SGCZ: variants seen among roughly 807,000 people sequenced by gnomAD.
SGCZ encodes sarcoglycan zeta, also known as zeta-sarcoglycan.
Under a neutral mutation model 41.3 loss-of-function variants are expected in SGCZ, and 40 were observed. The ratio of observed to expected loss-of-function variants is 0.97; its 90% CI spans 0.75 to 1.26. The LOEUF is 1.26. SGCZ is among the 50% of genes most tolerant of loss of function. The pLI is 0.00. For missense variants in SGCZ, 552 were observed against 369.8 expected (o/e 1.49, Z -4.04); for synonymous variants, 206 against 137.5 (o/e 1.50, Z -3.49).
At chr8:15,225,776 G>A (rs1801749849) in intron 1 of SGCZ, among the ~76,000 whole-genome samples, 1 of 152,138 alleles carries the variant, frequency 6.6e-6, no homozygotes, top group Non-Finnish European at 1.5e-5. Flanking sequence ...AAACCAGGTG[G>A]TTCCTTAATA....
intron 1 of SGCZ, among the ~76,000 whole-genome samples, chr8:14,833,958 T>C (rs529566670): frequency 2.0e-5 from 3 of 152,286 alleles, no homozygotes; most frequent in Admixed American, 6.5e-5. Context: ...CTTAGAAATA[T>C]TGTGGAAGCT....
At chr8:14,850,259 T>C (rs978277505) in intron 1 of SGCZ, among the ~76,000 whole-genome samples, 3 of 152,198 alleles carry the variant, frequency 2.0e-5, no homozygotes, top group Non-Finnish European at 2.9e-5. Context: ...AGTTAAAATA[T>C]GCATGCACTG....
At chr8:14,680,929 G>A (rs1347845578) in intron 1 of SGCZ, among the ~76,000 whole-genome samples, 3 of 74,914 alleles carry the variant, frequency 4.0e-5, no homozygotes, top group African/African-American at 6.9e-5. Context: ...GCAACTTGAA[G>A]AATCCAAATG....
At chr8:14,670,830 T>A (rs1015849282) in intron 1 of SGCZ, among the ~76,000 whole-genome samples, 1 of 152,208 alleles carries the variant, frequency 6.6e-6, no homozygotes, top group Non-Finnish European at 1.5e-5. Flanking sequence ...TTAGTTTGCA[T>A]AGATAGCAAA....
rs536281989 is a variant in SGCZ, at chr8:14,981,452, T to G, written c.39+256133A>C. On this transcript the variant is annotated intron_variant, in intron 1 of 7. Coordinates refer to ENST00000382080, the MANE Select transcript of SGCZ (RefSeq NM_139167.4). ...GCCTACTGAAACGAACTGAGTTAATTCTTCAAGCTGCCTATGAGAAAAATC... is the reference window on the plus strand; with the variant it reads ...GCCTACTGAAACGAACTGAGTTAATGCTTCAAGCTGCCTATGAGAAAAATC... 3.9e-5 allele frequency among the ~76,000 whole-genome samples: 6 copies of G among 152,330 alleles called. No individual in the cohort carries two copies. The East Asian group carries it at 1.2e-3, about 29-fold the overall frequency.
chr8:14,457,571 C>A (rs1243208844), intron 2 of SGCZ, among the ~76,000 whole-genome samples: 2 of 152,232 alleles, frequency 1.3e-5, no homozygotes, highest in African/African-American at 4.8e-5. Flanking sequence ...CTTCAGTGGT[C>A]ACGCTCCTAG....
chr8:14,171,380 T>C (rs1235383009), intron 4 of SGCZ, among the ~76,000 whole-genome samples: 1 of 151,978 alleles, frequency 6.6e-6, no homozygotes, highest in East Asian at 1.9e-4. Context: ...GTGCAAAGTT[T>C]TCTAATTTAT....
At chr8:14,800,390 T>G (rs1279321937) in intron 1 of SGCZ, among the ~76,000 whole-genome samples, 1 of 152,200 alleles carries the variant, frequency 6.6e-6, no homozygotes, top group East Asian at 1.9e-4. Flanking sequence ...GCCCATAAGT[T>G]TATGTAAGGT....
intron 1 of SGCZ, among the ~76,000 whole-genome samples, chr8:14,877,264 C>T (rs1804399467): frequency 6.6e-6 from 1 of 152,140 alleles, no homozygotes; most frequent in African/African-American, 2.4e-5. Context: ...TGAGCCACCA[C>T]ACCAAGCCAG....
At chr8:14,417,512 T>C (rs961933646) in intron 2 of SGCZ, among the ~76,000 whole-genome samples, 7 of 151,918 alleles carry the variant, frequency 4.6e-5, no homozygotes, top group Non-Finnish European at 7.4e-5. Flanking sequence ...AATAAATACA[T>C]AGTATCTGGG....
chr8:14,375,111 T>TAGACAGACAGAC (rs77420529), intron 2 of SGCZ, among the ~76,000 whole-genome samples: 11 of 150,152 alleles, frequency 7.3e-5, no homozygotes, highest in African/African-American at 2.5e-4. Flanking sequence ...GATAGATAGA[T>TAGACAGACAGAC]AGACAGACAG....
intron 1 of SGCZ, among the ~76,000 whole-genome samples, chr8:14,997,842 C>G (rs929412832): frequency 6.6e-6 from 1 of 152,086 alleles, no homozygotes; most frequent in African/African-American, 2.4e-5. Context: ...CGCCTGTAAT[C>G]CCAGATACTC....
intron 4 of SGCZ, among the ~76,000 whole-genome samples, chr8:14,167,314 G>T (rs1418833566): frequency 1.3e-5 from 2 of 152,130 alleles, no homozygotes; most frequent in East Asian, 3.9e-4. Context: ...AAGCAACAAT[G>T]CCCCATTCAA....
At chr8:14,770,204 G>C (rs1046026235) in intron 1 of SGCZ, among the ~76,000 whole-genome samples, 8 of 151,086 alleles carry the variant, frequency 5.3e-5, no homozygotes, top group African/African-American at 1.7e-4. Flanking sequence ...ACATAAGATT[G>C]TTTAAATACA....
intron 5 of SGCZ, among the ~76,000 whole-genome samples, chr8:14,137,755 T>C (rs1267341064): frequency 6.6e-6 from 1 of 152,164 alleles, no homozygotes; most frequent in Non-Finnish European, 1.5e-5. Flanking sequence ...GAAAACACTC[T>C]TCAGGATATT....
chr8:14,855,936 C>T (rs931199147), intron 1 of SGCZ, among the ~76,000 whole-genome samples: 2 of 152,056 alleles, frequency 1.3e-5, no homozygotes, highest in East Asian at 1.9e-4. Flanking sequence ...AAGGCCGATC[C>T]GAATTTTGCA....
Position 14,400,690 on chromosome 8 carries a change from A to G in SGCZ, c.235-76486T>C, listed in dbSNP as rs1299655297. On this transcript the variant is annotated intron_variant, in intron 2 of 7. Transcript: ENST00000382080. ...TTTTATGATCGTACTATCTTGTGCA[A>G]TTTTTCTAAAGGCCTATTCTTGAGT... Among the ~76,000 whole-genome samples, 2 of 152,076 alleles carry G rather than the reference A, an allele frequency of 1.3e-5. 1 individual carries two copies. Among genetic ancestry groups the G allele is most frequent in the East Asian group, 3.9e-4 (2 of 5,192 alleles).
chr8:14,542,965 A>T (rs574974109), intron 2 of SGCZ, among the ~76,000 whole-genome samples: 55 of 152,100 alleles, frequency 3.6e-4, no homozygotes, highest in African/African-American at 1.3e-3. Context: ...CTTCAAATTC[A>T]TTCAGCTAGA....
intron 2 of SGCZ, among the ~76,000 whole-genome samples, chr8:14,459,360 A>G (rs62499709): frequency 0.02 from 3,027 of 152,248 alleles, 67 homozygotes; most frequent in African/African-American, 0.049. Context: ...TGGCACATGT[A>G]TACATATGTA....
Sources: allele counts gnomAD v4.1 joint callset (sites outside exome capture counted in the v4.1 genomes callset), GRCh38; gene constraint gnomAD v4.1.1; transcripts MANE v1.5; gene names NCBI Gene and HGNC (gene_info 2026-07-23, HGNC 2026-07-21).